MROH9: variants seen among roughly 807,000 people sequenced by gnomAD.
The protein encoded by MROH9 is maestro heat like repeat family member 9.
In MROH9, 92 loss-of-function variants were observed where a neutral mutation model predicts 98.2. That is an observed-to-expected ratio of 0.94 (90% CI 0.79 to 1.11). MROH9 has a LOEUF of 1.11. Among genes scored for constraint, MROH9 ranks in the 50% most tolerant of loss-of-function variants. MROH9 has a pLI of 0.00. For synonymous variants in MROH9, 397 were observed against 368.9 expected, an observed-to-expected ratio of 1.08 and a Z score of -0.87; for missense variants, 1,057 against 1,014.8, an observed-to-expected ratio of 1.04 and a Z score of -0.57.
intron 20 of MROH9, among the ~76,000 whole-genome samples, chr1:171,056,540 G>A (rs1192830383): frequency 6.6e-6 from 1 of 152,196 alleles, no homozygotes; most frequent in Admixed American, 6.5e-5. Context: ...CTGTGAATCA[G>A]CAGACATAGC....
intron 4 of MROH9, 39 bp downstream of exon 4, chr1:170,958,579 G>T: frequency 7.7e-7 from 1 of 1,306,062 alleles, no homozygotes; most frequent in African/African-American, 1.8e-5. Context: ...TCACTAATTG[G>T]ATGCATTTAA....
intron 20 of MROH9, among the ~76,000 whole-genome samples, chr1:171,061,187 T>G (rs1653999366): frequency 6.6e-6 from 1 of 152,144 alleles, no homozygotes; most frequent in South Asian, 2.1e-4. Flanking sequence ...ACCAAACCCA[T>G]GAGGATGACT....
chr1:171,005,540 G>A (rs1651926093), intron 15 of MROH9, among the ~76,000 whole-genome samples: 3 of 152,048 alleles, frequency 2.0e-5, no homozygotes, highest in Admixed American at 1.3e-4. Context: ...TATAGCTATT[G>A]TAAATAGAAT....
intron 17 of MROH9, among the ~76,000 whole-genome samples, chr1:171,019,648 CA>C (rs79714149): frequency 0.016 from 2,250 of 138,752 alleles, 23 homozygotes; most frequent in Middle Eastern, 0.022. Context: ...GAGACTCCAT[CA>C]AAAAAAAAAA....
In MROH9 at chr1:170,992,287, G is replaced by A. The variant is rs1210763057; in HGVS notation, c.1152G>A (p.Gly384=). 6.2e-7 allele frequency: 1 copy of A among 1,613,538 alleles called. No homozygotes were observed. The highest frequency in any genetic ancestry group is 1.1e-5 in the South Asian group (1 of 91,064). Reference sequence around the variant, plus strand: ...AAATGGAGGACACCGTAACGGAAGGGAAACGTTTCTCTCTTGATATTACCA... The same window carrying A: ...AAATGGAGGACACCGTAACGGAAGGAAAACGTTTCTCTCTTGATATTACCA... The part of the protein sequence containing the change: ...PGEMEDTVTE[G]KRFSLDITNL... The change falls in exon 12 of 22, where the codon GGG becomes GGA. Residue 384 remains glycine, a synonymous_variant. Transcript: ENST00000367759.
At chr1:170,963,963 T>C (rs1650128451) in intron 6 of MROH9, among the ~76,000 whole-genome samples, 1 of 152,084 alleles carries the variant, frequency 6.6e-6, no homozygotes. Context: ...TAAAAAAAGT[T>C]GTTATCCTCA....
intron 20 of MROH9, among the ~76,000 whole-genome samples, chr1:171,057,445 C>T (rs1270631589): frequency 6.6e-6 from 1 of 152,160 alleles, no homozygotes; most frequent in Non-Finnish European, 1.5e-5. Context: ...CAAACAAAGC[C>T]TCCAGGAAAC....
rs1235460826 is a variant in MROH9, at chr1:170,972,763, G to A, written c.616+880G>A. The stretch of plus-strand genomic sequence containing the variant: ...GGAGGCAGAGCTTACAGTGAGCCGA[G>A]ATCATGCCACTGCACTCCAGCGTGG... On this transcript the variant is annotated intron_variant, in intron 8 of 21. Transcript: ENST00000367759. Among the ~76,000 whole-genome samples the A allele has an allele frequency of 5.3e-5, 8 of 149,762 alleles. No homozygotes were observed. The South Asian group carries it at 1.5e-3, about 28-fold the overall frequency.
intron 20 of MROH9, among the ~76,000 whole-genome samples, chr1:171,044,634 C>T (rs942843625): frequency 6.6e-6 from 1 of 152,082 alleles, no homozygotes; most frequent in Admixed American, 6.5e-5. Context: ...TAGCTTTGAT[C>T]TCATTACTTG....
At chr1:171,059,462 A>T (rs1653948399) in intron 20 of MROH9, among the ~76,000 whole-genome samples, 1 of 152,208 alleles carries the variant, frequency 6.6e-6, no homozygotes, top group African/African-American at 2.4e-5. Flanking sequence ...TAGTTCAACC[A>T]TTGTGGAAGA....
rs767934547 is a variant in MROH9, at chr1:170,996,562, G to T, written c.1393G>T (p.Asp465Tyr). 13 of 1,613,466 alleles carry T rather than the reference G, an allele frequency of 8.1e-6. No homozygotes were observed. The East Asian group carries it at 2.9e-4, about 36-fold the overall frequency. ...GAATTGTTCTGGACTGCAACAGGTGGATATTACTCTAATGAAGGAGAATTT... is the reference window on the plus strand; with the variant it reads ...GAATTGTTCTGGACTGCAACAGGTGTATATTACTCTAATGAAGGAGAATTT... ...LLNCSGLQQV[D>Y]ITLMKENFWD... The change falls in exon 14 of 22, where the codon GAT becomes TAT. Residue 465 changes from aspartate (D) to tyrosine (Y), a missense_variant. Coordinates refer to ENST00000367759, the MANE Select transcript of MROH9 (RefSeq NM_001163629.2).
chr1:170,998,531 A>G, intron 15 of MROH9: 2 of 1,424,266 alleles, frequency 1.4e-6, no homozygotes, highest in South Asian at 1.6e-5. Context: ...AAAACTAATT[A>G]TTTTTTAGGA....
intron 20 of MROH9, among the ~76,000 whole-genome samples, chr1:171,039,523 C>T (rs1276691700): frequency 1.3e-5 from 2 of 152,178 alleles, no homozygotes; most frequent in African/African-American, 4.8e-5. Context: ...GTCACACACA[C>T]TTCTTTGAAG....
chr1:170,942,118 C>T (rs1414813420), intron 1 of MROH9, among the ~76,000 whole-genome samples: 1 of 152,152 alleles, frequency 6.6e-6, no homozygotes, highest in African/African-American at 2.4e-5. Flanking sequence ...ATATCCATTT[C>T]TACACAGGTT....
intron 2 of MROH9, among the ~76,000 whole-genome samples, chr1:170,947,275 T>C (rs532780751): frequency 2.6e-4 from 40 of 152,192 alleles, no homozygotes; most frequent in African/African-American, 9.6e-4. Flanking sequence ...ATCCTCTATG[T>C]AATAAATACT....
At chr1:170,940,234 C>T (rs566093811) in intron 1 of MROH9, among the ~76,000 whole-genome samples, 2 of 152,296 alleles carry the variant, frequency 1.3e-5, no homozygotes, top group South Asian at 4.1e-4. Flanking sequence ...CACTACTGGA[C>T]CCCTAGAAAT....
intron 8 of MROH9, among the ~76,000 whole-genome samples, chr1:170,972,523 G>C (rs563053910): frequency 5.9e-5 from 9 of 152,108 alleles, no homozygotes; most frequent in Admixed American, 1.3e-4. Context: ...AATATACATA[G>C]TTTTTGGCAA....
At position 170,961,498 on chromosome 1, in the gene MROH9, A is replaced by C. The variant is rs376400097; in HGVS notation, c.289-392A>C. On this transcript the variant is annotated intron_variant, in intron 5 of 21. Transcript: ENST00000367759. ...CATTTAAGCACAAAGAATATTGAGG[A>C]AATGCAGCATTCATAAACATGGAAA... Among the ~76,000 whole-genome samples, 4 of 152,322 alleles carry C rather than the reference A, an allele frequency of 2.6e-5. No individual in the cohort carries two copies. In the South Asian group the frequency reaches 6.2e-4, roughly 24 times the overall value.
chr1:170,975,179 A>T (rs1650633873), intron 8 of MROH9, among the ~76,000 whole-genome samples: 1 of 152,130 alleles, frequency 6.6e-6, no homozygotes, highest in Admixed American at 6.5e-5. Flanking sequence ...GCAGATTGTC[A>T]GACTGAATAA....
Sources: allele counts gnomAD v4.1 joint callset (sites outside exome capture counted in the v4.1 genomes callset), GRCh38; gene constraint gnomAD v4.1.1; transcripts MANE v1.5; gene names NCBI Gene and HGNC (gene_info 2026-07-23, HGNC 2026-07-21).